IRF3: variants seen among roughly 807,000 people sequenced by gnomAD.
IRF3 encodes the protein interferon regulatory factor 3.
IRF3 carries 29 observed loss-of-function variants against 43.2 expected under a neutral mutation model. The observed-to-expected ratio is 0.67, with a 90% CI of 0.50 to 0.91. The LOEUF is 0.91. IRF3 is among the 40% of genes least tolerant of loss of function. The pLI, the probability that IRF3 is intolerant of heterozygous loss-of-function variation, is 0.00. For synonymous variants in IRF3, 228 were observed against 233.9 expected (o/e 0.97, Z 0.23); for missense variants, 505 against 559.1 (o/e 0.90, Z 0.98).
At chr19:49,660,372 G>A (rs1032944510) in intron 7 of IRF3, among the ~76,000 whole-genome samples, 8 of 152,258 alleles carry the variant, frequency 5.3e-5, no homozygotes, top group East Asian at 1.9e-4. Context: ...AACTGCGCAC[G>A]TGAGGGATCG....
Position 49,660,016 on chromosome 19 carries a change from C to T in IRF3, c.1099-183G>A, listed in dbSNP as rs563835108. On this transcript the variant is annotated intron_variant, in intron 7 of 7. Transcript: ENST00000377139. ...ACACACACACACACACACACACACA[C>T]ACACACACACACCCCCTGCTGTAAC... 2.4e-5 allele frequency among the ~76,000 whole-genome samples: 3 copies of T among 123,648 alleles called. 1 individual carries two copies. The highest frequency in any genetic ancestry group is 1.2e-4 in the African/African-American group (3 of 24,698). The allele number at this position is 123,648 out of a possible 152,430, so 81.1% of individuals were successfully genotyped here. A position where few individuals can be genotyped will look rare whatever the true frequency, so the allele number is the denominator to read the frequency against.
chr19:49,665,039 C>A, intron 1 of IRF3, 193 bp from the exon 2 acceptor site: 1 of 609,184 alleles, frequency 1.6e-6, no homozygotes, highest in Admixed American at 3.2e-5. Context: ...AGCTAGGGTT[C>A]CTTCCCATAT....
chr19:49,662,364 G>A (rs750133697), intron 5 of IRF3, 36 bp from the exon 6 acceptor site: 1 of 1,607,686 alleles, frequency 6.2e-7, no homozygotes, highest in South Asian at 1.1e-5. Context: ...AGGGGAGAGG[G>A]GTTGAGAATC....
chr19:49,662,042 G>A lies in IRF3; in HGVS notation c.888C>T (p.Ser296=), dbSNP rs893159155. The change falls in exon 6 of 8, where the codon AGC becomes AGT. Residue 296 remains serine (S), a synonymous_variant. Transcript: ENST00000377139. ...GCCCGCTGTTGGGGAGCAGCTCCTC[G>A]CTCACTGCCCAGTATGTGTGGCAGT... ...LGHCHTYWAV[S]EELLPNSGHG... The A allele has an allele frequency of 9.3e-6, 15 of 1,613,890 alleles. No individual in the cohort carries two copies. The highest frequency in any genetic ancestry group is 2.7e-5 in the African/African-American group (2 of 74,922).
Position 49,662,041 on chromosome 19 carries a change from C to T in IRF3, c.889G>A (p.Glu297Lys), listed in dbSNP as rs1336881907. 9 of 1,614,108 alleles carry T rather than the reference C, an allele frequency of 5.6e-6. No individual in the cohort carries two copies. Among genetic ancestry groups the T allele is most frequent in the East Asian group, 2.2e-5 (1 of 44,872 alleles). ...GHCHTYWAVS[E>K]ELLPNSGHGP... ...TGCCCGCTGTTGGGGAGCAGCTCCT[C>T]GCTCACTGCCCAGTATGTGTGGCAG... Residue 297 changes from glutamate to lysine, a missense_variant, in exon 6 of 8, where the codon GAG becomes AAG. Glu to Lys is a moderately conservative substitution (Grantham distance 56). Transcript: ENST00000377139.
chr19:49,664,475 AGCTCCAACCCT>A, intron 2 of IRF3, 188 bp downstream of exon 2: 1 of 1,537,902 alleles, frequency 6.5e-7, no homozygotes, highest in Non-Finnish European at 8.7e-7. Flanking sequence ...GTAACCCTGC[AGCTCCAACCCT>A]GCTTGCGCCC....
chr19:49,663,155 A>G (rs748245418), intron 4 of IRF3, 33 bp downstream of exon 4: 10 of 1,576,984 alleles, frequency 6.3e-6, no homozygotes, highest in Non-Finnish European at 8.7e-6. Flanking sequence ...CAGGTCGGAG[A>G]CTGAGGGGCA....
In IRF3 at chr19:49,665,727, C is replaced by A; in HGVS notation, c.-105G>T. The stretch of plus-strand genomic sequence containing the variant: ...ACTCGAGGCTGCGCACCCCCTTTCC[C>A]GTCAGCTGAGCTCTAGAGCGCTGGG... On this transcript the variant is annotated 5_prime_UTR_variant, in exon 1 of 8. Coordinates refer to ENST00000377139, the MANE Select transcript of IRF3 (RefSeq NM_001571.6). 1.4e-6 allele frequency: 2 copies of A among 1,468,170 alleles called. No homozygotes were observed. Among genetic ancestry groups the A allele is most frequent in the Admixed American group, 4.4e-5 (2 of 45,386 alleles). 90.9% of individuals were successfully genotyped at this position (1,468,170 alleles called of 1,614,324 possible). A position where few individuals can be genotyped will look rare whatever the true frequency, so the allele number is the denominator to read the frequency against.
Position 49,662,410 on chromosome 19 carries a change from G to C in IRF3, c.601+15C>G, listed in dbSNP as rs1249880532. The C allele has an allele frequency of 1.3e-6, 2 of 1,592,940 alleles. No homozygotes were observed. Among genetic ancestry groups the C allele is most frequent in the African/African-American group, 2.7e-5 (2 of 74,406 alleles). ...GCCCAGACCTCAGCCCTCCCAGCCT[G>C]CAGCTGACACTCACCTTCCCCCGGC... On this transcript the variant is annotated intron_variant, in intron 5 of 7. Transcript: ENST00000377139.
Position 49,665,705 on chromosome 19 carries a change from C to G in IRF3, c.-83G>C, listed in dbSNP as rs2081697965. On this transcript the variant is annotated 5_prime_UTR_variant, in exon 1 of 8. Transcript: ENST00000377139. ...TGGAGCTCCGGGTAGCTCTCAAACTCGAGGCTGCGCACCCCCTTTCCCGTC... is the reference window on the plus strand; with the variant it reads ...TGGAGCTCCGGGTAGCTCTCAAACTGGAGGCTGCGCACCCCCTTTCCCGTC... 7.3e-7 allele frequency: 1 copy of G among 1,374,912 alleles called. No homozygotes were observed. The highest frequency in any genetic ancestry group is 1.4e-5 in the African/African-American group (1 of 68,990). 85.2% of individuals were successfully genotyped at this position (1,374,912 alleles called of 1,614,324 possible). A position where few individuals can be genotyped will look rare whatever the true frequency, so the allele number is the denominator to read the frequency against.
chr19:49,662,953 C>T (rs1386034193), intron 4 of IRF3, among the ~76,000 whole-genome samples: 3 of 152,168 alleles, frequency 2.0e-5, no homozygotes, highest in African/African-American at 2.4e-5. Flanking sequence ...GCTGACAGCC[C>T]CCTGCGAATC....
At chr19:49,661,845 C>T in intron 6 of IRF3, 103 bp downstream of exon 6, 1 of 1,396,322 alleles carries the variant, frequency 7.2e-7, no homozygotes, top group Non-Finnish European at 9.7e-7. Context: ...TCCCAAAGTG[C>T]TGGGACTACA....
At chr19:49,662,684 A>AGAAGTCTTCATAT in intron 4 of IRF3, 67 bp from the exon 5 acceptor site, 1 of 1,304,870 alleles carries the variant, frequency 7.7e-7, no homozygotes, top group Non-Finnish European at 1.0e-6. Context: ...CATATGGACC[A>AGAAGTCTTCATAT]GGTCTGTTCT....
rs1378402095 is a variant in IRF3, at chr19:49,663,354, A to G, written c.326T>C (p.Phe109Ser). ...CCAAGCTGGCAGACCTGAGTTCACA[A>G]ACTCGTAGATTTTATGTGGGTCGTG... ...DPHDPHKIYE[F>S]VNSGVGDFSQ... The change falls in exon 3 of 8, where the codon TTT becomes TCT. Residue 109 changes from phenylalanine (F) to serine (S), a missense_variant. Physicochemically the swap from Phe to Ser is radical, Grantham distance 155. Transcript: ENST00000377139. 6.2e-7 allele frequency: 1 copy of G among 1,614,188 alleles called. No homozygotes were observed. The highest frequency in any genetic ancestry group is 2.2e-5 in the East Asian group (1 of 44,870).
At chr19:49,660,027 A>ACACACACACACACACACACACAC (rs57168131) in intron 7 of IRF3, among the ~76,000 whole-genome samples, 194 bp from the exon 8 acceptor site, 12 of 74,748 alleles carry the variant, frequency 1.6e-4, no homozygotes, top group African/African-American at 9.8e-4. Context: ...ACACACACAC[A>ACACACACACACACACACACACAC]CCCCCTGCTG....
intron 1 of IRF3, chr19:49,665,204 A>G (rs936651930): frequency 4.1e-6 from 1 of 243,098 alleles, no homozygotes; most frequent in Middle Eastern, 1.5e-3. Context: ...TGCAGAATCG[A>G]TTCACGTGTA....
chr19:49,663,171 G>A lies in IRF3; in HGVS notation c.408+17C>T, dbSNP rs763510067. 1.2e-6 allele frequency: 2 copies of A among 1,608,622 alleles called. No individual in the cohort carries two copies. The highest frequency in any genetic ancestry group is 1.7e-5 in the Admixed American group (1 of 60,014). ...AGGTCGGAGACTGAGGGGCATGAAA[G>A]TTGGGCACATTCTCACCTGGGTATC... On this transcript the variant is annotated intron_variant, in intron 4 of 7. Coordinates refer to ENST00000377139, the MANE Select transcript of IRF3 (RefSeq NM_001571.6).
rs5828408 is a variant in IRF3, at chr19:49,659,984, T to TACACACAC, written c.1099-159_1099-152dup. ...CTAGGGCTGCTGGGAGTTGTAGTTT[T>TACACACAC]ACACACACACACACACACACACACA... On this transcript the variant is annotated intron_variant, in intron 7 of 7. Coordinates refer to ENST00000377139, the MANE Select transcript of IRF3 (RefSeq NM_001571.6). 9.3e-3 allele frequency: 3,012 copies of TACACACAC among 323,420 alleles called. 27 individuals carry two copies. The highest frequency in any genetic ancestry group is 0.013 in the East Asian group (244 of 18,774). The allele number at this position is 323,420 out of a possible 1,614,324, so 20.0% of individuals were successfully genotyped here.
At chr19:49,665,025 A>C in intron 1 of IRF3, 179 bp from the exon 2 acceptor site, 1 of 654,406 alleles carries the variant, frequency 1.5e-6, no homozygotes, top group South Asian at 2.0e-5. Flanking sequence ...GAGGCTCTCT[A>C]ATCAGCTAGG....
Sources: allele counts gnomAD v4.1 joint callset (sites outside exome capture counted in the v4.1 genomes callset), GRCh38; gene constraint gnomAD v4.1.1; transcripts MANE v1.5; gene names NCBI Gene and HGNC (gene_info 2026-07-23, HGNC 2026-07-21).